Variants in IKZF2 observed in about 807,000 individuals in gnomAD.
IKZF2 encodes IKAROS family zinc finger 2, also known as zinc finger protein Helios.
In IKZF2, 15 loss-of-function variants were observed where a neutral mutation model predicts 49.2. The ratio of observed to expected loss-of-function variants is 0.30; its 90% CI spans 0.20 to 0.47. IKZF2 has a LOEUF of 0.47. Among genes scored for constraint, IKZF2 ranks in the 20% least tolerant of loss-of-function variants. IKZF2 has a pLI of 1.00. For missense variants in IKZF2, 567 were observed against 664.6 expected (o/e 0.85, Z 1.61); for synonymous variants, 227 against 221.4 (o/e 1.03, Z -0.23).
chr2:213,037,211 G>A (rs1699116808), intron 6 of IKZF2, among the ~76,000 whole-genome samples: 1 of 152,196 alleles, frequency 6.6e-6, no homozygotes, highest in Non-Finnish European at 1.5e-5. Context: ...TAAGAATCTT[G>A]TCCATTTCTT....
Position 213,002,787 on chromosome 2 carries a change from T to A in IKZF2, c.*4573A>T, listed in dbSNP as rs1393844802. 1.3e-5 allele frequency: 2 copies of A among 151,978 alleles called. No individual in the cohort carries two copies. Among genetic ancestry groups the A allele is most frequent in the Non-Finnish European group, 3.0e-5 (2 of 67,560 alleles). 9.4% of individuals were successfully genotyped at this position (151,978 alleles called of 1,614,324 possible). A position where few individuals can be genotyped will look rare whatever the true frequency, so the allele number is the denominator to read the frequency against. On this transcript the variant is annotated 3_prime_UTR_variant, in exon 9 of 9. Transcript: ENST00000434687. ...AATACAGATTCCAAGACTAGAACAA[T>A]ACTAGTCTGGAGATGAAAATCCAAA...
chr2:213,126,217 C>CA (rs1199827361), intron 4 of IKZF2, among the ~76,000 whole-genome samples: 1 of 152,136 alleles, frequency 6.6e-6, no homozygotes, highest in Non-Finnish European at 1.5e-5. Context: ...GCCATAACAC[C>CA]AAAGTTCCAG....
chr2:213,079,238 G>T lies in IKZF2; in HGVS notation c.140-22139C>A, dbSNP rs115371480. 8.9e-3 allele frequency among the ~76,000 whole-genome samples: 1,347 copies of T among 152,146 alleles called. 14 individuals carry two copies. Among genetic ancestry groups the T allele is most frequent in the Non-Finnish European group, 0.012 (819 of 67,996 alleles). On this transcript the variant is annotated intron_variant, in intron 4 of 8. Coordinates refer to ENST00000434687, the MANE Select transcript of IKZF2 (RefSeq NM_001387220.1). ...TACAAAAAATTTAAAATGTAGCCAGGTGTGGTAGTGCGTGTTTGTAGTCCC... is the reference window on the plus strand; with the variant it reads ...TACAAAAAATTTAAAATGTAGCCAGTTGTGGTAGTGCGTGTTTGTAGTCCC...
chr2:213,002,561 C>T lies in IKZF2; in HGVS notation c.*4799G>A, dbSNP rs535420271. 6.6e-6 allele frequency: 1 copy of T among 151,884 alleles called. No homozygotes were observed. Among genetic ancestry groups the T allele is most frequent in the East Asian group, 1.9e-4 (1 of 5,154 alleles). The allele number at this position is 151,884 out of a possible 1,614,324, so 9.4% of individuals were successfully genotyped here. A position where few individuals can be genotyped will look rare whatever the true frequency, so the allele number is the denominator to read the frequency against. On this transcript the variant is annotated 3_prime_UTR_variant, in exon 9 of 9. Coordinates refer to ENST00000434687, the MANE Select transcript of IKZF2 (RefSeq NM_001387220.1). ...CATTTGCTTTGTATAACCAGCAGCT[C>T]ATTTTTTTAAAAAGCTGTCATATCC... is the stretch of plus-strand genomic sequence containing the variant.
chr2:213,147,573 T>C (rs750231267), intron 4 of IKZF2, 135 bp downstream of exon 4: 2 of 766,528 alleles, frequency 2.6e-6, no homozygotes, highest in Non-Finnish European at 4.8e-6. Flanking sequence ...AATAAATCTG[T>C]GTTGTTCTTT....
At chr2:213,089,281 C>T (rs1246211635) in intron 4 of IKZF2, among the ~76,000 whole-genome samples, 1 of 152,164 alleles carries the variant, frequency 6.6e-6, no homozygotes, top group Non-Finnish European at 1.5e-5. Context: ...CTCACCACCC[C>T]CACTGCTCCT....
chr2:213,066,932 C>T (rs1702219238), intron 4 of IKZF2, among the ~76,000 whole-genome samples: 1 of 152,078 alleles, frequency 6.6e-6, no homozygotes, highest in Non-Finnish European at 1.5e-5. Flanking sequence ...CTGCTTCCTA[C>T]TGTATGAAGT....
chr2:213,045,590 G>A (rs962072853), intron 6 of IKZF2, among the ~76,000 whole-genome samples: 20 of 152,154 alleles, frequency 1.3e-4, no homozygotes, highest in Non-Finnish European at 2.4e-4. Context: ...CTTGGGAGCA[G>A]GATATAGTAA....
chr2:213,019,408 A>C (rs1696961791), intron 7 of IKZF2, among the ~76,000 whole-genome samples: 1 of 152,178 alleles, frequency 6.6e-6, no homozygotes, highest in Non-Finnish European at 1.5e-5. Context: ...TATTTATATG[A>C]GACGTATGTT....
intron 4 of IKZF2, among the ~76,000 whole-genome samples, chr2:213,060,005 A>G (rs1489756571): frequency 1.3e-5 from 2 of 151,398 alleles, no homozygotes; most frequent in African/African-American, 4.8e-5. Context: ...CAGTAAATCA[A>G]TAAAGTGCAA....
intron 4 of IKZF2, among the ~76,000 whole-genome samples, chr2:213,116,609 G>T (rs185154138): frequency 6.3e-4 from 96 of 152,242 alleles, no homozygotes; most frequent in African/African-American, 2.2e-3. Flanking sequence ...AGGGTGGCCT[G>T]TGCCTGTAGT....
intron 6 of IKZF2, among the ~76,000 whole-genome samples, chr2:213,033,876 C>T (rs760639450): frequency 2.0e-5 from 3 of 152,204 alleles, no homozygotes; most frequent in Non-Finnish European, 4.4e-5. Flanking sequence ...TTAACCCAGG[C>T]ACTGACTTCT....
chr2:213,022,454 T>C (rs1267248929), intron 6 of IKZF2, among the ~76,000 whole-genome samples: 1 of 152,178 alleles, frequency 6.6e-6, no homozygotes, highest in Non-Finnish European at 1.5e-5. Flanking sequence ...CTTTGACTCA[T>C]TCAAGACAAA....
intron 1 of IKZF2, among the ~76,000 whole-genome samples, chr2:213,150,609 A>C (rs542844325): frequency 1.2e-3 from 181 of 150,524 alleles, no homozygotes; most frequent in African/African-American, 3.7e-3. Context: ...GAGGTCAGTC[A>C]GTGCTATAGC....
At chr2:213,067,530 G>A (rs1702275099) in intron 4 of IKZF2, among the ~76,000 whole-genome samples, 2 of 152,022 alleles carry the variant, frequency 1.3e-5, no homozygotes, top group African/African-American at 4.8e-5. Flanking sequence ...AAACCACAGA[G>A]CATTTAAAAT....
chr2:213,075,789 T>C (rs1237190618), intron 4 of IKZF2, among the ~76,000 whole-genome samples: 2 of 152,158 alleles, frequency 1.3e-5, no homozygotes, highest in African/African-American at 2.4e-5. Context: ...AATATTTTCA[T>C]GTGACCTCTA....
At chr2:213,096,025 T>C (rs775813293) in intron 4 of IKZF2, among the ~76,000 whole-genome samples, 2 of 151,896 alleles carry the variant, frequency 1.3e-5, no homozygotes, top group East Asian at 1.9e-4. Context: ...ATACAGCTTA[T>C]AGAAGGTAAC....
chr2:213,101,461 A>G (rs992426200), intron 4 of IKZF2, among the ~76,000 whole-genome samples: 2 of 152,080 alleles, frequency 1.3e-5, no homozygotes, highest in African/African-American at 2.4e-5. Flanking sequence ...TAAAGAAAAC[A>G]CTAGGAAAGA....
chr2:213,021,721 C>T, intron 7 of IKZF2: 1 of 508,688 alleles, frequency 2.0e-6, no homozygotes, highest in Non-Finnish European at 3.8e-6. Context: ...CTCTAACTAT[C>T]TGGTTAGAAA....
Sources: gnomAD v4.1 joint callset for allele counts (sites outside exome capture counted in the v4.1 genomes callset) on GRCh38, gnomAD v4.1.1 for gene constraint, MANE v1.5 for transcripts, NCBI Gene and HGNC (gene_info 2026-07-23, HGNC 2026-07-21) for gene names.